Variants in GRIK1 observed in about 807,000 individuals in gnomAD.
GRIK1 encodes the protein glutamate receptor ionotropic, kainate 1.
A neutral mutation model predicts 105.7 loss-of-function variants in GRIK1; 69 were observed. That is an observed-to-expected ratio of 0.65 (90% CI 0.54 to 0.80). The LOEUF (loss-of-function observed/expected upper bound fraction) is 0.80. Among genes scored for constraint, GRIK1 ranks in the 30% least tolerant of loss-of-function variants. The pLI, the probability that GRIK1 is intolerant of heterozygous loss-of-function variation, is 0.00. For synonymous variants in GRIK1, 438 were observed against 431.3 expected (o/e 1.02, Z -0.19); for missense variants, 1,109 against 1,167.3 (o/e 0.95, Z 0.73).
intron 1 of GRIK1, among the ~76,000 whole-genome samples, chr21:29,783,559 G>C (rs889012242): frequency 1.3e-5 from 2 of 151,898 alleles, no homozygotes; most frequent in African/African-American, 4.8e-5. Flanking sequence ...GTCCTTATAT[G>C]GTTTTATTTT....
rs139789722 is a variant in GRIK1 at position 29,676,721 on chromosome 21, G to A, written c.545-3557C>T. Among the ~76,000 whole-genome samples the A allele has an allele frequency of 3.7e-3, 556 of 151,932 alleles. 2 individuals are homozygous for A. Among genetic ancestry groups the A allele is most frequent in the African/African-American group, 0.013 (519 of 41,432 alleles). ...GAGAGAATTTAAAAATAAAACGTAG[G>A]CAAGAGAGAACCAGACAAACCCAAT... On this transcript the variant is annotated intron_variant, in intron 3 of 17. Transcript: ENST00000327783.
At chr21:29,905,996 G>A (rs192311980) in intron 1 of GRIK1, among the ~76,000 whole-genome samples, 51 of 152,092 alleles carry the variant, frequency 3.4e-4, no homozygotes, top group Admixed American at 1.7e-3. Flanking sequence ...TGGAGTGTGT[G>A]TATGCATTTT....
rs551163499 is a variant in GRIK1, at chr21:29,885,353, T to C, written c.118+54030A>G. Among the ~76,000 whole-genome samples, 21 of 152,204 alleles carry C rather than the reference T, an allele frequency of 1.4e-4. 2 individuals are homozygous for C. In the South Asian group the frequency reaches 3.9e-3, roughly 28 times the overall value. ...AAGTTCTCTTCTCATACCACAACCC[T>C]GACCTAGCTGTAGTTGGTTTACAGT... is the stretch of plus-strand genomic sequence containing the variant. On this transcript the variant is annotated intron_variant, in intron 1 of 17. Coordinates refer to ENST00000327783, the MANE Select transcript of GRIK1 (RefSeq NM_001330994.2).
intron 4 of GRIK1, among the ~76,000 whole-genome samples, chr21:29,667,152 C>T (rs1002320688): frequency 1.3e-5 from 2 of 152,122 alleles, no homozygotes; most frequent in Non-Finnish European, 2.9e-5. Flanking sequence ...CACATGTTTA[C>T]CATCCCTTAG....
chr21:29,848,779 A>ATATATATATATATATATT, intron 1 of GRIK1, among the ~76,000 whole-genome samples: 13 of 77,864 alleles, frequency 1.7e-4, no homozygotes, highest in Non-Finnish European at 2.0e-4. Flanking sequence ...ATATATATAT[A>ATATATATATATATATATT]TTTTTTTTTT....
chr21:29,901,956 G>C (rs575774213), intron 1 of GRIK1, among the ~76,000 whole-genome samples: 1 of 152,088 alleles, frequency 6.6e-6, no homozygotes, highest in Non-Finnish European at 1.5e-5. Flanking sequence ...ACCACAATAA[G>C]TCAGCTTCAT....
chr21:29,915,909 T>A (rs768213041), intron 1 of GRIK1, among the ~76,000 whole-genome samples: 9 of 152,018 alleles, frequency 5.9e-5, no homozygotes, highest in Non-Finnish European at 8.8e-5. Flanking sequence ...TAGCATGTCT[T>A]ACTCTTTTCA....
intron 1 of GRIK1, among the ~76,000 whole-genome samples, chr21:29,865,451 T>C (rs1411425013): frequency 2.6e-5 from 4 of 152,260 alleles, no homozygotes; most frequent in African/African-American, 9.6e-5. Flanking sequence ...CGTAAAATTC[T>C]GGGCTTCAAC....
chr21:29,904,328 A>G (rs973375108), intron 1 of GRIK1, among the ~76,000 whole-genome samples: 6 of 151,898 alleles, frequency 4.0e-5, no homozygotes, highest in African/African-American at 1.5e-4. Context: ...GGGAAAAAAA[A>G]GGACTCAAAT....
At chr21:29,797,493 G>A (rs2068210997) in intron 1 of GRIK1, among the ~76,000 whole-genome samples, 1 of 152,154 alleles carries the variant, frequency 6.6e-6, no homozygotes, top group South Asian at 2.1e-4. Flanking sequence ...AATGTATACG[G>A]GGAAGCTGTG....
At chr21:29,731,503 C>T (rs1269148451) in intron 1 of GRIK1, among the ~76,000 whole-genome samples, 1 of 152,128 alleles carries the variant, frequency 6.6e-6, no homozygotes, top group African/African-American at 2.4e-5. Flanking sequence ...ATCTTGATAC[C>T]ACTTGCTTAA....
chr21:29,838,090 T>C (rs2067860969), intron 1 of GRIK1, among the ~76,000 whole-genome samples: 1 of 152,186 alleles, frequency 6.6e-6, no homozygotes, highest in East Asian at 1.9e-4. Flanking sequence ...AAGAGGAAAC[T>C]TCTTAAATTA....
chr21:29,920,253 T>A (rs1294139793), intron 1 of GRIK1, among the ~76,000 whole-genome samples: 2 of 152,066 alleles, frequency 1.3e-5, no homozygotes, highest in African/African-American at 2.4e-5. Context: ...AAATTTAACT[T>A]GAGGAATAGT....
intron 1 of GRIK1, among the ~76,000 whole-genome samples, chr21:29,852,355 C>CT (rs1465386089): frequency 1.3e-5 from 2 of 152,124 alleles, no homozygotes; most frequent in Non-Finnish European, 2.9e-5. Flanking sequence ...ACTGTTCCTC[C>CT]TACCAAGAAG....
At chr21:29,932,863 T>G (rs1348422820) in intron 1 of GRIK1, among the ~76,000 whole-genome samples, 1 of 151,752 alleles carries the variant, frequency 6.6e-6, no homozygotes, top group African/African-American at 2.4e-5. Context: ...GGAAAAGATA[T>G]TTTAAGTCTA....
At chr21:29,620,068 TGC>T (rs1568896203) in intron 7 of GRIK1, among the ~76,000 whole-genome samples, 1 of 152,238 alleles carries the variant, frequency 6.6e-6, no homozygotes, top group Admixed American at 6.5e-5. Flanking sequence ...CTGTGTCATC[TGC>T]AAAGCTTGGC....
chr21:29,613,362 C>A (rs2061771353), intron 7 of GRIK1, among the ~76,000 whole-genome samples: 1 of 152,150 alleles, frequency 6.6e-6, no homozygotes, highest in Non-Finnish European at 1.5e-5. Flanking sequence ...TAAATGAGCA[C>A]AAAATCATTG....
At chr21:29,720,448 T>C (rs938813508) in intron 1 of GRIK1, among the ~76,000 whole-genome samples, 3 of 152,170 alleles carry the variant, frequency 2.0e-5, no homozygotes, top group Non-Finnish European at 4.4e-5. Context: ...ATTTAGCTTG[T>C]TCGTTTGAAG....
chr21:29,926,989 G>T (rs117788651), intron 1 of GRIK1, among the ~76,000 whole-genome samples: 37 of 152,108 alleles, frequency 2.4e-4, no homozygotes, highest in African/African-American at 7.0e-4. Context: ...CAATCTGACC[G>T]AGAGGAATAT....
Sources: allele counts gnomAD v4.1 joint callset (sites outside exome capture counted in the v4.1 genomes callset), GRCh38; gene constraint gnomAD v4.1.1; transcripts MANE v1.5; gene names NCBI Gene and HGNC (gene_info 2026-07-23, HGNC 2026-07-21).